The following NRG1 variants were observed in gnomAD, a reference collection of about 807,000 sequenced individuals.
The protein encoded by NRG1 is pro-neuregulin-1, membrane-bound isoform.
NRG1 carries 18 observed loss-of-function variants against 63.8 expected under a neutral mutation model. The ratio of observed to expected loss-of-function variants is 0.28; its 90% CI spans 0.19 to 0.42. NRG1 has a LOEUF of 0.42. NRG1 is among the 10% of genes least tolerant of loss of function. The pLI, the probability that NRG1 is intolerant of heterozygous loss-of-function variation, is 1.00. For missense variants in NRG1, 762 were observed against 814.7 expected (o/e 0.94, Z 0.79); for synonymous variants, 302 against 301.3 (o/e 1.00, Z -0.02).
At chr8:31,959,618 A>G (rs1289787889) in intron 1 of NRG1, among the ~76,000 whole-genome samples, 2 of 152,262 alleles carry the variant, frequency 1.3e-5, no homozygotes, top group Non-Finnish European at 2.9e-5. Context: ...GCTCATAGTT[A>G]ATCTATAAAG....
chr8:31,920,843 T>C (rs945885824), intron 1 of NRG1, among the ~76,000 whole-genome samples: 2 of 151,602 alleles, frequency 1.3e-5, no homozygotes, highest in Admixed American at 6.6e-5. Context: ...AAAAATAAAC[T>C]TTTTTAAGAT....
intron 1 of NRG1, among the ~76,000 whole-genome samples, chr8:32,104,421 G>A (rs1198628393): frequency 1.3e-5 from 2 of 151,992 alleles, no homozygotes; most frequent in Non-Finnish European, 2.9e-5. Flanking sequence ...GAGTGTGAAG[G>A]CCTAAGACAT....
At chr8:32,222,840 C>T (rs1180313569) in intron 1 of NRG1, among the ~76,000 whole-genome samples, 1 of 152,084 alleles carries the variant, frequency 6.6e-6, no homozygotes, top group African/African-American at 2.4e-5. Flanking sequence ...AGAAAGTGAC[C>T]AGCCAAAACA....
intron 1 of NRG1, among the ~76,000 whole-genome samples, chr8:31,929,202 T>G (rs933821129): frequency 3.3e-5 from 5 of 152,316 alleles, no homozygotes; most frequent in African/African-American, 1.2e-4. Flanking sequence ...CTTTTCTTAT[T>G]TATAAGAACT....
At chr8:32,067,405 T>A (rs893196653) in intron 1 of NRG1, among the ~76,000 whole-genome samples, 1 of 152,198 alleles carries the variant, frequency 6.6e-6, no homozygotes, top group Non-Finnish European at 1.5e-5. Context: ...TGAAGCGTTG[T>A]TGAAGTTTGT....
At chr8:32,729,267 CTT>C (rs1262744795) in intron 6 of NRG1, among the ~76,000 whole-genome samples, 3 of 151,964 alleles carry the variant, frequency 2.0e-5, no homozygotes, top group Non-Finnish European at 2.9e-5. Flanking sequence ...GGTATATGGA[CTT>C]AAAATTTGAT....
chr8:32,334,451 A>G (rs117624488), intron 1 of NRG1, among the ~76,000 whole-genome samples: 17 of 152,306 alleles, frequency 1.1e-4, no homozygotes, highest in Non-Finnish European at 2.2e-4. Flanking sequence ...TTATCCAGAC[A>G]TTGACAAAAG....
chr8:32,773,600 C>G (rs1831931170), intron 7 of NRG1, among the ~76,000 whole-genome samples: 1 of 152,116 alleles, frequency 6.6e-6, no homozygotes, highest in African/African-American at 2.4e-5. Context: ...CAAGTCCACA[C>G]CCTCCTTCAC....
chr8:31,721,060 A>G (rs1812864089), intron 1 of NRG1, among the ~76,000 whole-genome samples: 2 of 152,214 alleles, frequency 1.3e-5, no homozygotes, highest in African/African-American at 4.8e-5. Context: ...CAATCTGTGA[A>G]GCAAGTGATA....
At chr8:31,890,060 A>T (rs116946875) in intron 1 of NRG1, among the ~76,000 whole-genome samples, 1 of 152,196 alleles carries the variant, frequency 6.6e-6, no homozygotes, top group African/African-American at 2.4e-5. Context: ...TGTTCTGTAC[A>T]TTGCAGGATG....
intron 6 of NRG1, among the ~76,000 whole-genome samples, chr8:32,737,249 T>C (rs1186026783): frequency 6.6e-6 from 1 of 152,050 alleles, no homozygotes; most frequent in African/African-American, 2.4e-5. Flanking sequence ...TACTGGGAAT[T>C]TCTGTAAAAA....
intron 1 of NRG1, among the ~76,000 whole-genome samples, chr8:31,712,306 C>T (rs1460384453): frequency 7.9e-6 from 1 of 125,952 alleles, no homozygotes; most frequent in Non-Finnish European, 1.6e-5. Context: ...CACTCTGACA[C>T]CCAGGCTGGA....
At chr8:32,564,009 C>T (rs1354466139) in intron 1 of NRG1, among the ~76,000 whole-genome samples, 1 of 152,060 alleles carries the variant, frequency 6.6e-6, no homozygotes, top group East Asian at 1.9e-4. Context: ...AGACAAGCAG[C>T]AGACTGCTTT....
At chr8:31,723,410 C>T (rs1455222656) in intron 1 of NRG1, among the ~76,000 whole-genome samples, 2 of 152,118 alleles carry the variant, frequency 1.3e-5, no homozygotes, top group Admixed American at 1.3e-4. Context: ...AACATTATTT[C>T]CACTTTTCGT....
chr8:32,373,743 A>G (rs1346514896), intron 1 of NRG1, among the ~76,000 whole-genome samples: 1 of 152,144 alleles, frequency 6.6e-6, no homozygotes, highest in Non-Finnish European at 1.5e-5. Context: ...GCACCACTGC[A>G]CTCCAGCCTG....
At chr8:32,762,327 A>G (rs964860169) in intron 11 of NRG1, among the ~76,000 whole-genome samples, 8 of 152,184 alleles carry the variant, frequency 5.3e-5, no homozygotes, top group Non-Finnish European at 1.2e-4. Context: ...ACTACAAGTG[A>G]TATTTATCCT....
At chr8:32,111,657 T>G (rs1373024104) in intron 1 of NRG1, among the ~76,000 whole-genome samples, 6 of 152,188 alleles carry the variant, frequency 3.9e-5, no homozygotes, top group African/African-American at 1.4e-4. Flanking sequence ...AGAAACTATT[T>G]TGCATTCATC....
intron 5 of NRG1, among the ~76,000 whole-genome samples, chr8:32,625,152 C>T: frequency 6.6e-6 from 1 of 152,188 alleles, no homozygotes; most frequent in South Asian, 2.1e-4. Context: ...TTATAATGCA[C>T]CTCCCATACA....
chr8:31,739,375 T>G (rs1234512044), intron 1 of NRG1, among the ~76,000 whole-genome samples: 1 of 152,098 alleles, frequency 6.6e-6, no homozygotes. Context: ...TTTAGCATTT[T>G]TTATATTGTT....
Sources: allele counts gnomAD v4.1 joint callset (sites outside exome capture counted in the v4.1 genomes callset), GRCh38; gene constraint gnomAD v4.1.1; transcripts MANE v1.5; gene names NCBI Gene and HGNC (gene_info 2026-07-23, HGNC 2026-07-21).